SRRM3: variants seen among roughly 807,000 people sequenced by gnomAD.
SRRM3 encodes the protein serine/arginine repetitive matrix protein 3.
In SRRM3, 27 loss-of-function variants were observed where a neutral mutation model predicts 66.2. The ratio of observed to expected loss-of-function variants is 0.41; its 90% CI spans 0.30 to 0.56. The LOEUF is 0.56. SRRM3 is among the 20% of genes least tolerant of loss of function. The pLI is 0.32. For missense variants in SRRM3, 918 were observed against 991.9 expected, an observed-to-expected ratio of 0.93 and a Z score of 1.00; for synonymous variants, 391 against 414.9, an observed-to-expected ratio of 0.94 and a Z score of 0.70.
chr7:76,277,730 A>AGAGAG (rs1563640685), intron 11 of SRRM3, among the ~76,000 whole-genome samples: 1 of 148,502 alleles, frequency 6.7e-6, no homozygotes, highest in African/African-American at 2.5e-5. Context: ...AAAAAAAAAA[A>AGAGAG]AAAAAGAGAG....
chr7:76,215,162 C>T (rs1273863760), intron 1 of SRRM3, among the ~76,000 whole-genome samples: 1 of 151,812 alleles, frequency 6.6e-6, no homozygotes, highest in Non-Finnish European at 1.5e-5. Context: ...CCCCAAAACC[C>T]ACAGTACATT....
chr7:76,267,332 C>A lies in SRRM3; in HGVS notation c.905C>A (p.Pro302Gln). The change falls in exon 11 of 15, where the codon CCG becomes CAG. Residue 302 changes from proline to glutamine, a missense_variant. Pro to Gln is a moderately conservative substitution (Grantham distance 76). Coordinates refer to ENST00000611745, the MANE Select transcript of SRRM3 (RefSeq NM_001110199.3). ...QRSSGSRSPSPSGGSGWGSPQ... is the reference protein window; with the variant it reads ...QRSSGSRSPSQSGGSGWGSPQ... ...TCCAGCGGAAGCCGGTCGCCTTCCCCGTCGGGCGGCAGCGGATGGGGGTCG... is the reference window on the plus strand; with the variant it reads ...TCCAGCGGAAGCCGGTCGCCTTCCCAGTCGGGCGGCAGCGGATGGGGGTCG... The A allele has an allele frequency of 2.0e-6, 3 of 1,538,036 alleles. No individual in the cohort carries two copies. Among genetic ancestry groups the A allele is most frequent in the Non-Finnish European group, 2.6e-6 (3 of 1,148,900 alleles).
At chr7:76,220,304 A>C (rs528676636) in intron 1 of SRRM3, among the ~76,000 whole-genome samples, 4 of 152,200 alleles carry the variant, frequency 2.6e-5, no homozygotes, top group Non-Finnish European at 5.9e-5. Context: ...GAGTCCTTCC[A>C]GGCAGTCAGG....
At chr7:76,211,749 C>T (rs1428280943) in intron 1 of SRRM3, among the ~76,000 whole-genome samples, 1 of 151,758 alleles carries the variant, frequency 6.6e-6, no homozygotes, top group Non-Finnish European at 1.5e-5. Context: ...ATTCCCAGGA[C>T]CCACCCAAAA....
intron 3 of SRRM3, among the ~76,000 whole-genome samples, chr7:76,257,075 A>T (rs1801731622): frequency 6.6e-6 from 1 of 151,158 alleles, no homozygotes; most frequent in Non-Finnish European, 1.5e-5. Context: ...TTTTGTGCTG[A>T]CCTCCTATCT....
rs192485101 is a variant in SRRM3 at position 76,215,075 on chromosome 7, G to C, written c.-40+13008G>C. 3.5e-3 allele frequency among the ~76,000 whole-genome samples: 532 copies of C among 150,202 alleles called. 2 individuals carry two copies. The highest frequency in any genetic ancestry group is 7.3e-3 in the Admixed American group (109 of 15,034). On this transcript the variant is annotated intron_variant, in intron 1 of 14. Coordinates refer to ENST00000611745, the MANE Select transcript of SRRM3 (RefSeq NM_001110199.3). ...AAAAAAAAAACAGGAAAGATGAGCAGTATAGGGTAGATAAAATATGCAAAA... is the reference window on the plus strand; with the variant it reads ...AAAAAAAAAACAGGAAAGATGAGCACTATAGGGTAGATAAAATATGCAAAA...
intron 10 of SRRM3, among the ~76,000 whole-genome samples, chr7:76,265,863 T>A (rs1583926590): frequency 2.9e-4 from 6 of 20,662 alleles, no homozygotes; most frequent in African/African-American, 1.2e-3. Context: ...TATATATTTT[T>A]TTTTTTTTTT....
chr7:76,252,807 G>A lies in SRRM3; in HGVS notation c.335+4518G>A, dbSNP rs10249514. 3.8e-3 allele frequency among the ~76,000 whole-genome samples: 574 copies of A among 152,272 alleles called. 3 individuals are homozygous for A. Among genetic ancestry groups the A allele is most frequent in the African/African-American group, 0.013 (557 of 41,564 alleles). ...TCTCATCTGCAAAATGGAAAGGGGTGCAATTTCTGTAAATCATTAAGGGGC... is the reference window on the plus strand; with the variant it reads ...TCTCATCTGCAAAATGGAAAGGGGTACAATTTCTGTAAATCATTAAGGGGC... On this transcript the variant is annotated intron_variant, in intron 3 of 14. Transcript: ENST00000611745.
intron 5 of SRRM3, 108 bp from the exon 6 acceptor site, chr7:76,260,766 A>C (rs1220617638): frequency 9.1e-7 from 1 of 1,098,888 alleles, no homozygotes; most frequent in Non-Finnish European, 1.3e-6. Flanking sequence ...CCATCCCCGA[A>C]TCTCTCTGTC....
chr7:76,211,661 C>T (rs1800433987), intron 1 of SRRM3, among the ~76,000 whole-genome samples: 1 of 152,066 alleles, frequency 6.6e-6, no homozygotes, highest in African/African-American at 2.4e-5. Flanking sequence ...AATCTGGACA[C>T]CCAGAACCGC....
chr7:76,248,407 A>T, intron 3 of SRRM3, 118 bp downstream of exon 3: 1 of 673,938 alleles, frequency 1.5e-6, no homozygotes, highest in Non-Finnish European at 2.6e-6. Flanking sequence ...GAGGGGGTGG[A>T]GAGGAAGAAG....
chr7:76,230,368 G>A (rs1800984027), intron 1 of SRRM3, among the ~76,000 whole-genome samples: 1 of 152,096 alleles, frequency 6.6e-6, no homozygotes, highest in Non-Finnish European at 1.5e-5. Flanking sequence ...CTCACAGTGA[G>A]GCCAGGCGCA....
In SRRM3 at chr7:76,283,072, A is replaced by G; in HGVS notation, c.1704A>G (p.Pro568=). 2.7e-6 allele frequency: 4 copies of G among 1,476,958 alleles called. No individual in the cohort carries two copies. The highest frequency in any genetic ancestry group is 3.6e-6 in the Non-Finnish European group (4 of 1,124,828). The allele number at this position is 1,476,958 out of a possible 1,614,324, so 91.5% of individuals were successfully genotyped here. A position where few individuals can be genotyped will look rare whatever the true frequency, so the allele number is the denominator to read the frequency against. The change falls in exon 14 of 15, where the codon CCA becomes CCG. Residue 568 remains proline, a synonymous_variant. Coordinates refer to ENST00000611745, the MANE Select transcript of SRRM3 (RefSeq NM_001110199.3). ...SPIRKRRRDS[P]SFMEPRRITS... Reference sequence around the variant, plus strand: ...TCCGCAAGCGGCGCCGGGACTCGCCAAGCTTCATGGAGCCGCGGCGCATCA... The same window carrying G: ...TCCGCAAGCGGCGCCGGGACTCGCCGAGCTTCATGGAGCCGCGGCGCATCA...
In SRRM3 at chr7:76,285,983, G is replaced by A; in HGVS notation, c.*140G>A. The A allele has an allele frequency of 1.1e-6, 1 of 944,202 alleles. No homozygotes were observed. The highest frequency in any genetic ancestry group is 1.7e-5 in the African/African-American group (1 of 60,156). The allele number at this position is 944,202 out of a possible 1,614,324, so 58.5% of individuals were successfully genotyped here. On this transcript the variant is annotated 3_prime_UTR_variant, in exon 15 of 15. Coordinates refer to ENST00000611745, the MANE Select transcript of SRRM3 (RefSeq NM_001110199.3). This position sits in a 1 kb window ranked among gnomAD's most constrained non-coding sequence, Gnocchi z 4.1. ...CTCAGGGCCAGTGCACGGGCAGATG[G>A]GACCGGGGAAGACTTTGAGGGTGGG...
chr7:76,255,726 G>T (rs1801696541), intron 3 of SRRM3, among the ~76,000 whole-genome samples: 1 of 152,200 alleles, frequency 6.6e-6, no homozygotes, highest in African/African-American at 2.4e-5. Flanking sequence ...GGGATTACAG[G>T]CATGAGCCAT....
Position 76,264,826 on chromosome 7 carries a change from TC to T in SRRM3, c.725+14del, listed in dbSNP as rs1801967962. The T allele has an allele frequency of 6.2e-7, 1 of 1,613,314 alleles. No homozygotes were observed. The highest frequency in any genetic ancestry group is 2.2e-5 in the East Asian group (1 of 44,886). ...CAAAGAGAAGAAGAGGTAAGCGCCC[TC>T]CCTACTCTCCAGCCCCCCATTCGTT... On this transcript the variant is annotated intron_variant, in intron 9 of 14. Transcript: ENST00000611745.
intron 1 of SRRM3, among the ~76,000 whole-genome samples, chr7:76,233,255 G>C (rs1239245045): frequency 6.6e-6 from 1 of 152,204 alleles, no homozygotes; most frequent in African/African-American, 2.4e-5. Context: ...CAAGGCTGCA[G>C]TGAGCTATGA....
intron 1 of SRRM3, among the ~76,000 whole-genome samples, chr7:76,223,835 C>G (rs1800782177): frequency 7.2e-5 from 5 of 69,628 alleles, no homozygotes; most frequent in Admixed American, 1.6e-4. Flanking sequence ...CCCTTCCCTT[C>G]CCTTCCCTTC....
At chr7:76,283,656 A>T in intron 14 of SRRM3, 2 of 597,760 alleles carry the variant, frequency 3.3e-6, no homozygotes, top group Non-Finnish European at 5.6e-6. Context: ...TCTCTTTCTC[A>T]CTAACCTGGG....
Sources: allele counts gnomAD v4.1 joint callset (sites outside exome capture counted in the v4.1 genomes callset), GRCh38; gene constraint gnomAD v4.1.1; non-coding constraint Gnocchi (gnomAD v3.1); transcripts MANE v1.5; gene names NCBI Gene and HGNC (gene_info 2026-07-23, HGNC 2026-07-21).